Variants in SYCP1 observed in about 807,000 individuals in gnomAD.
SYCP1 encodes cancer/testis antigen 8.
A neutral mutation model predicts 153.1 loss-of-function variants in SYCP1; 64 were observed. The observed-to-expected ratio is 0.42, with a 90% CI of 0.34 to 0.51. The LOEUF (loss-of-function observed/expected upper bound fraction) is 0.51, where lower values mean the gene tolerates loss of function less well. Among genes scored for constraint, SYCP1 ranks in the 20% least tolerant of loss-of-function variants. The probability of loss-of-function intolerance (pLI) is 0.06; values close to 1 mark genes in which losing one functional copy is unlikely to be tolerated. For synonymous variants in SYCP1, 384 were observed against 341.8 expected (o/e 1.12, Z -1.36); for missense variants, 997 against 1,049.0 (o/e 0.95, Z 0.68).
At chr1:114,985,596 A>T (rs1673445434) in intron 30 of SYCP1, among the ~76,000 whole-genome samples, 1 of 151,940 alleles carries the variant, frequency 6.6e-6, no homozygotes, top group Non-Finnish European at 1.5e-5. Flanking sequence ...TAACTAGAAG[A>T]TCCTTCAAGC....
At chr1:114,976,515 G>A (rs1672801243) in intron 27 of SYCP1, among the ~76,000 whole-genome samples, 1 of 151,784 alleles carries the variant, frequency 6.6e-6, no homozygotes. Context: ...ACGAGGAAAA[G>A]TCAGAATTGC....
intron 8 of SYCP1, among the ~76,000 whole-genome samples, chr1:114,869,837 C>G (rs1664995019): frequency 1.3e-5 from 2 of 152,194 alleles, no homozygotes; most frequent in Admixed American, 1.3e-4. Flanking sequence ...CCTGCTGGGT[C>G]TGTCCATTTC....
intron 20 of SYCP1, among the ~76,000 whole-genome samples, chr1:114,919,477 T>A (rs1355277936): frequency 6.6e-6 from 1 of 152,040 alleles, no homozygotes; most frequent in Non-Finnish European, 1.5e-5. Context: ...TTTTTATGTG[T>A]CTTTATTTGG....
At chr1:114,988,510 T>C (rs1451742078) in intron 30 of SYCP1, among the ~76,000 whole-genome samples, 1 of 151,990 alleles carries the variant, frequency 6.6e-6, no homozygotes, top group African/African-American at 2.4e-5. Context: ...AATTTATATA[T>C]TCAAAGTGCT....
At chr1:114,859,652 T>C (rs1040333980) in intron 6 of SYCP1, 91 bp from the exon 7 acceptor site, 2 of 606,858 alleles carry the variant, frequency 3.3e-6, no homozygotes, top group African/African-American at 4.0e-5. Flanking sequence ...GACCATTGTG[T>C]ATTAGTAAAG....
At chr1:114,868,014 T>G (rs1421831286) in intron 8 of SYCP1, among the ~76,000 whole-genome samples, 1 of 152,174 alleles carries the variant, frequency 6.6e-6, no homozygotes, top group African/African-American at 2.4e-5. Flanking sequence ...ATTGATATGA[T>G]CTTGTAATTT....
intron 16 of SYCP1, among the ~76,000 whole-genome samples, chr1:114,901,015 A>T (rs1667408879): frequency 6.6e-6 from 1 of 152,210 alleles, no homozygotes; most frequent in African/African-American, 2.4e-5. Context: ...CCCTTTAAAA[A>T]ATATTTGATC....
intron 14 of SYCP1, 45 bp from the exon 15 acceptor site, chr1:114,887,581 C>G (rs1262533950): frequency 7.5e-7 from 1 of 1,329,560 alleles, no homozygotes; most frequent in South Asian, 1.4e-5. Flanking sequence ...GAGATGAATT[C>G]TGACTAAAAT....
chr1:114,939,007 C>A (rs1557817206), intron 23 of SYCP1, among the ~76,000 whole-genome samples: 1 of 151,716 alleles, frequency 6.6e-6, no homozygotes, highest in African/African-American at 2.4e-5. Flanking sequence ...TGTGGTTCCC[C>A]AAAAAAATAA....
chr1:114,987,084 T>G (rs1315742318), intron 30 of SYCP1, among the ~76,000 whole-genome samples: 1 of 151,964 alleles, frequency 6.6e-6, no homozygotes, highest in Non-Finnish European at 1.5e-5. Context: ...ATCTTTTTTT[T>G]TTTTTCCTTT....
At chr1:114,877,532 C>T (rs1239888347) in intron 11 of SYCP1, among the ~76,000 whole-genome samples, 3 of 152,158 alleles carry the variant, frequency 2.0e-5, no homozygotes, top group Admixed American at 6.5e-5. Flanking sequence ...ATTCACAGTA[C>T]AGAGAGGATA....
chr1:114,945,006 T>G (rs1276716360), intron 25 of SYCP1, 24 bp downstream of exon 25: 3 of 1,452,494 alleles, frequency 2.1e-6, no homozygotes, highest in Non-Finnish European at 2.8e-6. Context: ...TCTTATATAA[T>G]GAAAATTATT....
In SYCP1 at chr1:114,887,682, C is replaced by A; in HGVS notation, c.1247C>A (p.Ser416Ter). Reference protein sequence around the residue: ...KILTMELQKKSSELEEMTKLT... With the variant: ...KILTMELQKK Reference sequence around the variant, plus strand: ...CTTACCATGGAGCTTCAAAAGAAATCAAGTGAGCTGGGTAAGACTTAGAGA... The same window carrying A: ...CTTACCATGGAGCTTCAAAAGAAATAAAGTGAGCTGGGTAAGACTTAGAGA... The change falls in exon 15 of 32, where the codon TCA (serine) becomes TAA (stop). Residue 416 changes from serine to a stop codon, truncating the protein, a stop_gained. Coordinates refer to ENST00000369522, the MANE Select transcript of SYCP1 (RefSeq NM_003176.4). LOFTEE classifies it high-confidence loss of function. 6.5e-7 allele frequency: 1 copy of A among 1,549,510 alleles called. No homozygotes were observed. The highest frequency in any genetic ancestry group is 1.3e-5 in the South Asian group (1 of 78,996).
intron 27 of SYCP1, among the ~76,000 whole-genome samples, chr1:114,952,267 A>G (rs1283226258): frequency 6.6e-6 from 1 of 152,196 alleles, no homozygotes; most frequent in Non-Finnish European, 1.5e-5. Flanking sequence ...ACCATTTTAC[A>G]TTACCATAAG....
At chr1:114,926,030 T>G (rs968942423) in intron 21 of SYCP1, among the ~76,000 whole-genome samples, 15 of 151,972 alleles carry the variant, frequency 9.9e-5, no homozygotes, top group African/African-American at 3.4e-4. Context: ...TCCCAGCACT[T>G]TGGGAGGCTG....
At chr1:114,891,096 C>T (rs1666676217) in intron 15 of SYCP1, among the ~76,000 whole-genome samples, 1 of 152,100 alleles carries the variant, frequency 6.6e-6, no homozygotes, top group Non-Finnish European at 1.5e-5. Flanking sequence ...TTTTCTTACC[C>T]CAACAACTCT....
At chr1:114,957,174 G>C (rs360685) in intron 27 of SYCP1, among the ~76,000 whole-genome samples, 75,275 of 151,922 alleles carry the variant, frequency 0.5, 19,960 homozygotes, top group Middle Eastern at 0.62. Context: ...AAGAGATCCT[G>C]TGGTCTCAGC....
intron 20 of SYCP1, among the ~76,000 whole-genome samples, chr1:114,920,988 A>C (rs1357128750): frequency 6.6e-6 from 1 of 152,016 alleles, no homozygotes; most frequent in Non-Finnish European, 1.5e-5. Context: ...CAATGTTATT[A>C]TTGATAAGTA....
intron 27 of SYCP1, among the ~76,000 whole-genome samples, chr1:114,963,635 G>C (rs562453679): frequency 6.6e-6 from 1 of 152,148 alleles, no homozygotes; most frequent in African/African-American, 2.4e-5. Context: ...TTGGTTTTCT[G>C]TTTCTGTGTT....
Sources: allele counts gnomAD v4.1 joint callset (sites outside exome capture counted in the v4.1 genomes callset), GRCh38; gene constraint gnomAD v4.1.1; transcripts MANE v1.5; gene names NCBI Gene and HGNC (gene_info 2026-07-23, HGNC 2026-07-21).